Variants in AP3S1 observed in about 807,000 individuals in gnomAD.
AP3S1 encodes the protein AP-3 complex subunit sigma-1.
In AP3S1, 12 loss-of-function variants were observed where a neutral mutation model predicts 21.3. The observed-to-expected ratio is 0.56, with a 90% CI of 0.36 to 0.91. The LOEUF (loss-of-function observed/expected upper bound fraction) is 0.91. Among genes scored for constraint, AP3S1 ranks in the 40% least tolerant of loss-of-function variants. The pLI, the probability that AP3S1 is intolerant of heterozygous loss-of-function variation, is 0.01. For synonymous variants in AP3S1, 48 were observed against 78.4 expected, an observed-to-expected ratio of 0.61 and a Z score of 2.05; for missense variants, 116 against 225.0, an observed-to-expected ratio of 0.52 and a Z score of 3.10.
At chr5:115,882,716 A>G (rs866606372) in intron 3 of AP3S1, among the ~76,000 whole-genome samples, 8 of 152,176 alleles carry the variant, frequency 5.3e-5, no homozygotes, top group African/African-American at 1.9e-4. Flanking sequence ...CTCTTATCAG[A>G]GCTCGAGCAC....
chr5:115,868,253 A>G (rs2112833054), intron 2 of AP3S1, among the ~76,000 whole-genome samples: 1 of 152,300 alleles, frequency 6.6e-6, no homozygotes, highest in East Asian at 1.9e-4. Context: ...TATTCTTCAG[A>G]AGTTTGCTGT....
intron 1 of AP3S1, among the ~76,000 whole-genome samples, chr5:115,846,562 T>G (rs1260004253): frequency 6.6e-6 from 1 of 152,010 alleles, no homozygotes; most frequent in African/African-American, 2.4e-5. Flanking sequence ...CTCGTTTTTT[T>G]TTTTTTTTTT....
chr5:115,896,425 C>G (rs974476675), intron 4 of AP3S1, among the ~76,000 whole-genome samples: 2 of 152,094 alleles, frequency 1.3e-5, no homozygotes, highest in Admixed American at 1.3e-4. Context: ...ATGTCTAATG[C>G]TTTTTCACAC....
chr5:115,856,188 C>G (rs1296601989), intron 1 of AP3S1, among the ~76,000 whole-genome samples: 1 of 151,992 alleles, frequency 6.6e-6, no homozygotes, highest in Non-Finnish European at 1.5e-5. Flanking sequence ...GTTCTAGGCT[C>G]CTTAATGAAA....
chr5:115,897,228 G>A (rs1380700806), intron 4 of AP3S1, among the ~76,000 whole-genome samples: 1 of 151,962 alleles, frequency 6.6e-6, no homozygotes, highest in African/African-American at 2.4e-5. Context: ...AATAAAGATG[G>A]GATCATACAA....
At chr5:115,853,040 G>A (rs1762553084) in intron 1 of AP3S1, 1 of 454,448 alleles carries the variant, frequency 2.2e-6, no homozygotes, top group Non-Finnish European at 4.4e-6. Flanking sequence ...ATTATTTGAA[G>A]AAATGCCAGA....
At chr5:115,899,576 C>A (rs1751042349) in intron 4 of AP3S1, among the ~76,000 whole-genome samples, 1 of 152,274 alleles carries the variant, frequency 6.6e-6, no homozygotes, top group East Asian at 1.9e-4. Flanking sequence ...GTGTGAGCCA[C>A]CACCTGGCCT....
At chr5:115,910,014 A>T (rs1023881248) in intron 5 of AP3S1, among the ~76,000 whole-genome samples, 2 of 152,198 alleles carry the variant, frequency 1.3e-5, no homozygotes, top group East Asian at 3.8e-4. Context: ...CTATAATACC[A>T]ACACTTTGAG....
intron 4 of AP3S1, among the ~76,000 whole-genome samples, chr5:115,900,057 G>C (rs1290143657): frequency 6.6e-6 from 1 of 151,676 alleles, no homozygotes; most frequent in African/African-American, 2.4e-5. Flanking sequence ...AAAATATTGG[G>C]AGAAAAGAGA....
intron 3 of AP3S1, among the ~76,000 whole-genome samples, chr5:115,887,000 G>A (rs1749842915): frequency 1.3e-5 from 2 of 152,156 alleles, no homozygotes; most frequent in South Asian, 4.1e-4. Flanking sequence ...AGTCCAGAAT[G>A]CAGTCATATA....
At chr5:115,891,483 G>A (rs572611775) in intron 3 of AP3S1, among the ~76,000 whole-genome samples, 14 of 152,142 alleles carry the variant, frequency 9.2e-5, no homozygotes, top group Admixed American at 6.5e-4. Context: ...GGTAAATTGG[G>A]ATTCTTGTGA....
intron 4 of AP3S1, among the ~76,000 whole-genome samples, chr5:115,900,266 T>A (rs1751099468): frequency 6.6e-6 from 1 of 152,206 alleles, no homozygotes; most frequent in South Asian, 2.1e-4. Flanking sequence ...AAAGATCATT[T>A]AAGTTTTTTA....
chr5:115,845,704 C>T (rs936549174), intron 1 of AP3S1, among the ~76,000 whole-genome samples: 2 of 151,748 alleles, frequency 1.3e-5, no homozygotes, highest in Non-Finnish European at 2.9e-5. Flanking sequence ...CATGGTAGCG[C>T]ACGCCTATAA....
intron 2 of AP3S1, among the ~76,000 whole-genome samples, chr5:115,867,660 G>T (rs1747815867): frequency 6.6e-6 from 1 of 152,156 alleles, no homozygotes; most frequent in Non-Finnish European, 1.5e-5. Flanking sequence ...AAATTTTGCT[G>T]TTAACTCAAG....
At chr5:115,901,788 C>G (rs1480580456) in intron 4 of AP3S1, among the ~76,000 whole-genome samples, 2 of 152,072 alleles carry the variant, frequency 1.3e-5, no homozygotes, top group African/African-American at 2.4e-5. Flanking sequence ...CTTGTCCTCC[C>G]AAAGTGTTGG....
At chr5:115,887,867 T>C (rs1406889202) in intron 3 of AP3S1, among the ~76,000 whole-genome samples, 1 of 152,120 alleles carries the variant, frequency 6.6e-6, no homozygotes, top group Non-Finnish European at 1.5e-5. Flanking sequence ...AGGTTACTCT[T>C]TGTGGCTTGG....
intron 5 of AP3S1, among the ~76,000 whole-genome samples, chr5:115,905,040 C>T (rs1751526443): frequency 6.6e-6 from 1 of 152,034 alleles, no homozygotes; most frequent in Non-Finnish European, 1.5e-5. Flanking sequence ...GCCTGGTGTT[C>T]CATTATTGGA....
intron 1 of AP3S1, 115 bp from the exon 2 acceptor site, chr5:115,866,555 C>T (rs1244717241): frequency 3.7e-6 from 2 of 544,122 alleles, no homozygotes; most frequent in African/African-American, 2.0e-5. Context: ...CTCCAAGGAC[C>T]CCTCTCTTAG....
At chr5:115,913,069 G>C (rs371383178) in intron 5 of AP3S1, among the ~76,000 whole-genome samples, 1 of 152,134 alleles carries the variant, frequency 6.6e-6, no homozygotes, top group Non-Finnish European at 1.5e-5. Flanking sequence ...CAAGATATAG[G>C]TGAAGATTTA....
Sources: allele counts gnomAD v4.1 joint callset (sites outside exome capture counted in the v4.1 genomes callset), GRCh38; gene constraint gnomAD v4.1.1; transcripts MANE v1.5; gene names NCBI Gene and HGNC (gene_info 2026-07-23, HGNC 2026-07-21).